Variants in CLEC16A observed in about 807,000 individuals in gnomAD.
CLEC16A encodes protein CLEC16A.
Under a neutral mutation model 109.5 loss-of-function variants are expected in CLEC16A, and 51 were observed. The ratio of observed to expected loss-of-function variants is 0.47; its 90% CI spans 0.37 to 0.59. The LOEUF (loss-of-function observed/expected upper bound fraction) is 0.59, where lower values mean the gene tolerates loss of function less well. Ranked by LOEUF, CLEC16A falls within the 20% of genes least tolerant of loss-of-function variation. CLEC16A has a pLI of 0.00. For synonymous variants in CLEC16A, 673 were observed against 564.2 expected (o/e 1.19, Z -2.73); for missense variants, 1,339 against 1,394.0 (o/e 0.96, Z 0.63).
At chr16:10,950,263 C>T (rs894707659) in intron 1 of CLEC16A, among the ~76,000 whole-genome samples, 1 of 152,158 alleles carries the variant, frequency 6.6e-6, no homozygotes. Flanking sequence ...TCATGAAAGC[C>T]TGTATGGCTT....
Position 11,126,158 on chromosome 16 carries a change from C to T in CLEC16A, c.2641+12C>T, listed in dbSNP as rs753231134. On this transcript the variant is annotated intron_variant, in intron 22 of 23. Transcript: ENST00000409790. ...GGACAAGGTGCCAGGTGAGCCAGCC[C>T]CCCGCCCTGCGCCACAGCTCGTTCA... 1.2e-6 allele frequency: 2 copies of T among 1,613,676 alleles called. No individual in the cohort carries two copies. Among genetic ancestry groups the T allele is most frequent in the South Asian group, 1.1e-5 (1 of 91,068 alleles).
At chr16:11,177,017 G>A (rs1024811138) in intron 23 of CLEC16A, among the ~76,000 whole-genome samples, 4 of 152,058 alleles carry the variant, frequency 2.6e-5, no homozygotes, top group East Asian at 1.9e-4. Context: ...CTGGAATCAC[G>A]TTGAACAAAA....
intron 1 of CLEC16A, among the ~76,000 whole-genome samples, chr16:10,953,705 G>A (rs1041103911): frequency 2.0e-5 from 3 of 152,184 alleles, no homozygotes; most frequent in Admixed American, 6.5e-5. Context: ...GGCTAGGCGC[G>A]GTGGCTCACG....
intron 22 of CLEC16A, among the ~76,000 whole-genome samples, chr16:11,132,475 C>T (rs1467263915): frequency 2.0e-5 from 3 of 152,054 alleles, no homozygotes; most frequent in Admixed American, 6.6e-5. Flanking sequence ...CACATTTGGG[C>T]TGTGTCTGCC....
At chr16:11,105,619 A>G (rs1597396533) in intron 19 of CLEC16A, among the ~76,000 whole-genome samples, 1 of 152,060 alleles carries the variant, frequency 6.6e-6, no homozygotes, top group African/African-American at 2.4e-5. Flanking sequence ...GCTGTGGAAA[A>G]CCCCACCTTT....
intron 19 of CLEC16A, among the ~76,000 whole-genome samples, chr16:11,105,105 C>G (rs1158439065): frequency 6.6e-6 from 1 of 152,164 alleles, no homozygotes; most frequent in Non-Finnish European, 1.5e-5. Flanking sequence ...TTTACTCATG[C>G]TAAACAGGGC....
intron 17 of CLEC16A, chr16:11,047,595 G>T: frequency 3.1e-6 from 1 of 319,736 alleles, no homozygotes; most frequent in Non-Finnish European, 5.7e-6. Context: ...GTAATTTTGG[G>T]GACAGTATCA....
At chr16:11,054,113 T>C (rs917756861) in intron 18 of CLEC16A, among the ~76,000 whole-genome samples, 3 of 152,222 alleles carry the variant, frequency 2.0e-5, no homozygotes, top group African/African-American at 7.2e-5. Context: ...CTGGGGGTGC[T>C]GGCAGGAGCC....
intron 1 of CLEC16A, among the ~76,000 whole-genome samples, chr16:10,951,152 G>T (rs578044320): frequency 1.1e-4 from 16 of 152,174 alleles, no homozygotes; most frequent in Admixed American, 5.2e-4. Context: ...GATGCACCTC[G>T]AGTGTGTTGG....
intron 19 of CLEC16A, among the ~76,000 whole-genome samples, chr16:11,080,495 A>G (rs1045421785): frequency 6.6e-6 from 1 of 152,238 alleles, no homozygotes; most frequent in Non-Finnish European, 1.5e-5. Context: ...TTTGGCTACC[A>G]GGTCAGTAGC....
At chr16:11,146,866 A>G (rs2054081346) in intron 22 of CLEC16A, among the ~76,000 whole-genome samples, 1 of 152,164 alleles carries the variant, frequency 6.6e-6, no homozygotes, top group East Asian at 1.9e-4. Flanking sequence ...GGGGTTAGTC[A>G]AACAAAACAC....
chr16:11,079,781 A>G (rs2049597474), intron 19 of CLEC16A, among the ~76,000 whole-genome samples: 1 of 152,146 alleles, frequency 6.6e-6, no homozygotes, highest in South Asian at 2.1e-4. Flanking sequence ...TCTCCCAGCT[A>G]TGGTTTGCAT....
chr16:11,066,948 G>A (rs958415432), intron 19 of CLEC16A, among the ~76,000 whole-genome samples: 5 of 151,998 alleles, frequency 3.3e-5, no homozygotes, highest in South Asian at 2.1e-4. Context: ...TTTTGGGGAC[G>A]GATCGCCAAC....
chr16:10,968,283 G>C (rs2042610768), intron 3 of CLEC16A, among the ~76,000 whole-genome samples: 2 of 152,254 alleles, frequency 1.3e-5, no homozygotes, highest in Non-Finnish European at 2.9e-5. Context: ...GGCCAGCACA[G>C]CTTTAAAAGC....
intron 17 of CLEC16A, among the ~76,000 whole-genome samples, chr16:11,049,638 G>A (rs527496443): frequency 1.9e-4 from 29 of 152,324 alleles, no homozygotes; most frequent in African/African-American, 6.7e-4. Context: ...GGAAGGGGGT[G>A]GGGACAGGCC....
At chr16:11,145,036 G>A (rs531023359) in intron 22 of CLEC16A, among the ~76,000 whole-genome samples, 1 of 152,294 alleles carries the variant, frequency 6.6e-6, no homozygotes, top group South Asian at 2.1e-4. Flanking sequence ...ATCCCGGCAG[G>A]GGGAATGAGC....
At chr16:11,037,019 C>A (rs576565639) in intron 13 of CLEC16A, among the ~76,000 whole-genome samples, 4 of 152,346 alleles carry the variant, frequency 2.6e-5, no homozygotes, top group African/African-American at 9.6e-5. Context: ...TCGATCCTGA[C>A]AGCAGTCGTG....
chr16:11,095,187 G>A (rs776927850), intron 19 of CLEC16A, among the ~76,000 whole-genome samples: 2 of 151,866 alleles, frequency 1.3e-5, no homozygotes, highest in East Asian at 1.9e-4. Flanking sequence ...AAAAGTGGGC[G>A]GTAATGTTAT....
intron 10 of CLEC16A, among the ~76,000 whole-genome samples, chr16:11,000,528 A>T (rs1274515807): frequency 6.6e-6 from 1 of 152,172 alleles, no homozygotes; most frequent in African/African-American, 2.4e-5. Context: ...TGGATGCTTC[A>T]GGAGAAGATG....
Sources: allele counts gnomAD v4.1 joint callset (sites outside exome capture counted in the v4.1 genomes callset), GRCh38; gene constraint gnomAD v4.1.1; transcripts MANE v1.5; gene names NCBI Gene and HGNC (gene_info 2026-07-23, HGNC 2026-07-21).